ADK: variants seen among roughly 807,000 people sequenced by gnomAD.
ADK encodes N6,N6-dimethyladenosine kinase.
ADK carries 24 observed loss-of-function variants against 44.7 expected under a neutral mutation model. The observed-to-expected ratio is 0.54, with a 90% CI of 0.39 to 0.76. The LOEUF is 0.76. Ranked by LOEUF, ADK falls within the 30% of genes least tolerant of loss-of-function variation. The pLI is 0.00. For missense variants in ADK, 321 were observed against 425.1 expected (o/e 0.76, Z 2.15); for synonymous variants, 128 against 142.6 (o/e 0.90, Z 0.73).
intron 6 of ADK, among the ~76,000 whole-genome samples, chr10:74,524,206 C>T (rs144907291): frequency 2.0e-5 from 3 of 152,116 alleles, no homozygotes; most frequent in African/African-American, 7.2e-5. Context: ...TAAAGCTGTA[C>T]ATAAATAGCA....
At chr10:74,463,947 G>A (rs1000626220) in intron 6 of ADK, among the ~76,000 whole-genome samples, 1 of 152,080 alleles carries the variant, frequency 6.6e-6, no homozygotes, top group East Asian at 1.9e-4. Flanking sequence ...TAAGAGAAAT[G>A]TCCTAAGCAA....
chr10:74,360,681 A>C (rs1451296948), intron 4 of ADK, among the ~76,000 whole-genome samples: 1 of 151,924 alleles, frequency 6.6e-6, no homozygotes, highest in Admixed American at 6.6e-5. Context: ...CCCCTTTATC[A>C]TTATATTATG....
At chr10:74,516,701 T>A (rs1355723646) in intron 6 of ADK, 2 of 152,186 alleles carry the variant, frequency 1.3e-5, no homozygotes, top group African/African-American at 4.8e-5. Flanking sequence ...TTTTTGTATT[T>A]TTGGTAGAGA....
chr10:74,445,656 T>A (rs1330589244), intron 6 of ADK, among the ~76,000 whole-genome samples: 1 of 151,992 alleles, frequency 6.6e-6, no homozygotes, highest in Admixed American at 6.6e-5. Flanking sequence ...CCCACAATTA[T>A]ATAGGTAGTT....
chr10:74,406,652 C>G (rs1341237463), intron 6 of ADK, among the ~76,000 whole-genome samples: 1 of 150,680 alleles, frequency 6.6e-6, no homozygotes, highest in African/African-American at 2.4e-5. Flanking sequence ...AATAATTACT[C>G]TCTCCCCTAT....
At chr10:74,390,191 CAA>C (rs1238832652) in intron 4 of ADK, among the ~76,000 whole-genome samples, 9 of 151,926 alleles carry the variant, frequency 5.9e-5, no homozygotes. Flanking sequence ...AATTTAATAA[CAA>C]TAGAAATTCT....
chr10:74,399,725 G>A (rs1029110184), intron 6 of ADK, among the ~76,000 whole-genome samples: 1 of 151,838 alleles, frequency 6.6e-6, no homozygotes, highest in Admixed American at 6.6e-5. Flanking sequence ...GGGGATTTAT[G>A]TACTATTTCA....
At position 74,572,363 on chromosome 10, in the gene ADK, C is replaced by T. The variant is rs551364227; in HGVS notation, c.727-16919C>T. On this transcript the variant is annotated intron_variant, in intron 7 of 10. Transcript: ENST00000539909. ...CTCTTCTGGCTTTTAGAGTTTTTGCCGAGAGATCTGCTGTTAGTCTGATGG... is the reference window on the plus strand; with the variant it reads ...CTCTTCTGGCTTTTAGAGTTTTTGCTGAGAGATCTGCTGTTAGTCTGATGG... Among the ~76,000 whole-genome samples, 14 of 152,254 alleles carry T rather than the reference C, an allele frequency of 9.2e-5. No homozygotes were observed. The East Asian group carries it at 1.7e-3, about 19-fold the overall frequency.
chr10:74,399,303 G>T (rs1013614335), intron 6 of ADK, among the ~76,000 whole-genome samples: 3 of 150,748 alleles, frequency 2.0e-5, no homozygotes, highest in African/African-American at 7.3e-5. Flanking sequence ...TATAACAGCT[G>T]CTGCCATTTC....
At position 74,333,879 on chromosome 10, in the gene ADK, A is replaced by G. The variant is rs549930686; in HGVS notation, c.273+19134A>G. 1.6e-4 allele frequency among the ~76,000 whole-genome samples: 25 copies of G among 152,318 alleles called. No individual in the cohort carries two copies. In the East Asian group the frequency reaches 4.6e-3, roughly 28 times the overall value. ...TGCAGAAAGGGACACCAGGGATGGT[A>G]CCACAGGGTCCTGGGTATATTTTTG... On this transcript the variant is annotated intron_variant, in intron 4 of 10. Transcript: ENST00000539909.
At chr10:74,483,429 C>G (rs1410997732) in intron 6 of ADK, among the ~76,000 whole-genome samples, 3 of 152,174 alleles carry the variant, frequency 2.0e-5, no homozygotes, top group Admixed American at 6.5e-5. Flanking sequence ...GCAAATGTCT[C>G]TGAAATACCT....
chr10:74,607,115 C>T (rs912446031), intron 9 of ADK, among the ~76,000 whole-genome samples: 2 of 152,030 alleles, frequency 1.3e-5, no homozygotes, highest in Non-Finnish European at 1.5e-5. Context: ...TATTTTGAAC[C>T]TACGTGTGTC....
At chr10:74,284,997 G>A (rs994981054) in intron 3 of ADK, among the ~76,000 whole-genome samples, 18 of 152,278 alleles carry the variant, frequency 1.2e-4, no homozygotes, top group Middle Eastern at 3.4e-3. Context: ...ATATAGTATA[G>A]CCATCATTTA....
At chr10:74,372,840 G>A (rs936402786) in intron 4 of ADK, among the ~76,000 whole-genome samples, 4 of 152,130 alleles carry the variant, frequency 2.6e-5, no homozygotes, top group Non-Finnish European at 4.4e-5. Context: ...AATTTGACAA[G>A]CTGCTCTTAA....
intron 4 of ADK, among the ~76,000 whole-genome samples, chr10:74,322,113 A>G (rs1840829629): frequency 2.0e-5 from 3 of 152,202 alleles, no homozygotes; most frequent in Non-Finnish European, 1.5e-5. Context: ...AAATCTGATT[A>G]TCTCTTGTGA....
At chr10:74,655,397 G>A (rs1043570235) in intron 9 of ADK, 68 of 410,408 alleles carry the variant, frequency 1.7e-4, no homozygotes, top group Admixed American at 1.4e-4. Flanking sequence ...AGAGTTGGAC[G>A]AAGACACGAA....
intron 9 of ADK, among the ~76,000 whole-genome samples, chr10:74,622,778 C>T (rs185869650): frequency 1.4e-3 from 210 of 152,148 alleles, no homozygotes; most frequent in African/African-American, 4.9e-3. Context: ...GAGGCCAAGG[C>T]GGGAGGGTCA....
intron 3 of ADK, among the ~76,000 whole-genome samples, chr10:74,292,070 T>C (rs1350311688): frequency 6.6e-6 from 1 of 152,152 alleles, no homozygotes; most frequent in East Asian, 1.9e-4. Flanking sequence ...TTTCTTTTTC[T>C]CAAATGTATT....
chr10:74,190,880 A>G (rs1460785777), intron 1 of ADK, among the ~76,000 whole-genome samples: 3 of 151,970 alleles, frequency 2.0e-5, no homozygotes, highest in African/African-American at 4.8e-5. Context: ...AAAGCTTGCT[A>G]TTCTTACTGA....
Sources: gnomAD v4.1 joint callset for allele counts (sites outside exome capture counted in the v4.1 genomes callset) on GRCh38, gnomAD v4.1.1 for gene constraint, MANE v1.5 for transcripts, NCBI Gene and HGNC (gene_info 2026-07-23, HGNC 2026-07-21) for gene names.